SLIT3: variants seen among roughly 807,000 people sequenced by gnomAD.
SLIT3 encodes the protein slit homolog 3 protein.
In SLIT3, 68 loss-of-function variants were observed where a neutral mutation model predicts 184.0. That is an observed-to-expected ratio of 0.37 (90% confidence interval 0.30 to 0.45). SLIT3 has a LOEUF of 0.45. SLIT3 is among the 20% of genes least tolerant of loss of function. The pLI is 1.00. For missense variants in SLIT3, 1,707 were observed against 2,026.0 expected (o/e 0.84, Z 3.02); for synonymous variants, 831 against 828.6 (o/e 1.00, Z -0.05).
At chr5:169,230,481 T>C (rs1448973879) in intron 3 of SLIT3, among the ~76,000 whole-genome samples, 1 of 152,350 alleles carries the variant, frequency 6.6e-6, no homozygotes, top group Middle Eastern at 3.4e-3. Flanking sequence ...CATTTAAATA[T>C]GTAATCTAAT....
At chr5:169,228,174 A>G (rs1482775384) in intron 3 of SLIT3, among the ~76,000 whole-genome samples, 1 of 152,174 alleles carries the variant, frequency 6.6e-6, no homozygotes, top group Non-Finnish European at 1.5e-5. Context: ...CCAATCACAT[A>G]TATTTAATTG....
At chr5:168,831,997 TC>T (rs1205569244) in intron 6 of SLIT3, among the ~76,000 whole-genome samples, 2 of 152,066 alleles carry the variant, frequency 1.3e-5, no homozygotes, top group East Asian at 3.9e-4. Context: ...TGTTTGGGGG[TC>T]CCTTGACTCC....
At chr5:169,177,922 T>C (rs1763033763) in intron 4 of SLIT3, among the ~76,000 whole-genome samples, 1 of 152,218 alleles carries the variant, frequency 6.6e-6, no homozygotes, top group Admixed American at 6.5e-5. Context: ...TTTTTCCTTC[T>C]GATTGCCTCT....
At chr5:168,759,379 A>G (rs1755059505) in intron 16 of SLIT3, among the ~76,000 whole-genome samples, 2 of 152,164 alleles carry the variant, frequency 1.3e-5, no homozygotes, top group African/African-American at 4.8e-5. Context: ...ATAATGTTGA[A>G]CTCATGGCCA....
chr5:169,185,596 A>G (rs1763304789), intron 4 of SLIT3, among the ~76,000 whole-genome samples: 1 of 152,192 alleles, frequency 6.6e-6, no homozygotes, highest in Non-Finnish European at 1.5e-5. Flanking sequence ...TTTCACATCA[A>G]TGCAGAGTTT....
intron 4 of SLIT3, among the ~76,000 whole-genome samples, chr5:169,075,659 T>C (rs1253835518): frequency 6.6e-6 from 1 of 152,206 alleles, no homozygotes; most frequent in Non-Finnish European, 1.5e-5. Flanking sequence ...AAAGAGAGAC[T>C]TGGCTTCTTA....
intron 23 of SLIT3, chr5:168,712,743 T>G (rs1231487120): frequency 5.6e-6 from 1 of 177,940 alleles, no homozygotes; most frequent in Non-Finnish European, 1.2e-5. Context: ...GAGCTGTGCT[T>G]AAGACCGGAA....
intron 4 of SLIT3, among the ~76,000 whole-genome samples, chr5:168,884,271 G>A (rs1001111790): frequency 6.6e-6 from 1 of 151,580 alleles, no homozygotes; most frequent in African/African-American, 2.4e-5. Flanking sequence ...AAACACTCAT[G>A]CCAGGCCTCC....
chr5:169,225,955 A>C (rs1400467018), intron 3 of SLIT3, among the ~76,000 whole-genome samples: 1 of 152,210 alleles, frequency 6.6e-6, no homozygotes, highest in Non-Finnish European at 1.5e-5. Context: ...GTGGAAGCAG[A>C]CAGGGAAGAG....
intron 26 of SLIT3, among the ~76,000 whole-genome samples, chr5:168,702,959 G>C (rs764430314): frequency 2.6e-5 from 4 of 152,162 alleles, no homozygotes; most frequent in Non-Finnish European, 5.9e-5. Flanking sequence ...TCCCAACTAT[G>C]GCGGTGGTGG....
At position 168,957,229 on chromosome 5, in the gene SLIT3, C is replaced by CAAA. The variant is rs369179350; in HGVS notation, c.414-73896_414-73894dup. On this transcript the variant is annotated intron_variant, in intron 4 of 35. Coordinates refer to ENST00000519560, the MANE Select transcript of SLIT3 (RefSeq NM_003062.4). The stretch of plus-strand genomic sequence containing the variant: ...GGGCAACAAGAGCAAAAGTCTGTCT[C>CAAA]AAAAAAAAAAAAAAAAATAGAGGTG... 4.4e-3 allele frequency among the ~76,000 whole-genome samples: 540 copies of CAAA among 121,436 alleles called. 5 individuals are homozygous for CAAA. Among genetic ancestry groups the CAAA allele is most frequent in the African/African-American group, 0.015 (497 of 33,318 alleles). 79.7% of individuals were successfully genotyped at this position (121,436 alleles called of 152,430 possible). A position where few individuals can be genotyped will look rare whatever the true frequency, so the allele number is the denominator to read the frequency against.
chr5:169,088,536 A>G (rs964118481), intron 4 of SLIT3, among the ~76,000 whole-genome samples: 9 of 152,148 alleles, frequency 5.9e-5, no homozygotes, highest in African/African-American at 2.2e-4. Flanking sequence ...CCAGGGATTT[A>G]CAACTAGTCC....
intron 4 of SLIT3, among the ~76,000 whole-genome samples, chr5:168,977,430 C>T (rs1487732978): frequency 1.3e-5 from 2 of 152,184 alleles, no homozygotes; most frequent in African/African-American, 4.8e-5. Flanking sequence ...GCACATCCTC[C>T]TATTACCTTT....
chr5:168,833,701 A>AG (rs1468374037), intron 6 of SLIT3, among the ~76,000 whole-genome samples: 1 of 152,234 alleles, frequency 6.6e-6, no homozygotes, highest in Non-Finnish European at 1.5e-5. Context: ...CTGCTAATAT[A>AG]GGGGCAAGCA....
chr5:168,912,575 GC>G (rs1761285433), intron 4 of SLIT3, among the ~76,000 whole-genome samples: 1 of 152,180 alleles, frequency 6.6e-6, no homozygotes, highest in African/African-American at 2.4e-5. Context: ...TCTGCCATTA[GC>G]TGCCTCTATT....
chr5:169,265,169 A>G (rs928238164), intron 1 of SLIT3, among the ~76,000 whole-genome samples: 1 of 152,082 alleles, frequency 6.6e-6, no homozygotes, highest in African/African-American at 2.4e-5. Flanking sequence ...ACAAACAAAC[A>G]AACAAACAAA....
intron 4 of SLIT3, among the ~76,000 whole-genome samples, chr5:169,081,545 G>A (rs1176064545): frequency 9.2e-5 from 14 of 152,094 alleles, no homozygotes; most frequent in African/African-American, 2.2e-4. Flanking sequence ...TGGAGCAACC[G>A]GATGTTTTAG....
intron 4 of SLIT3, among the ~76,000 whole-genome samples, chr5:169,003,190 G>A (rs774558467): frequency 2.6e-5 from 4 of 152,214 alleles, no homozygotes; most frequent in Non-Finnish European, 4.4e-5. Flanking sequence ...AATACTCAGT[G>A]TGTCTGAGCA....
At chr5:168,783,081 A>G (rs542250455) in intron 12 of SLIT3, among the ~76,000 whole-genome samples, 5 of 152,296 alleles carry the variant, frequency 3.3e-5, no homozygotes, top group African/African-American at 1.2e-4. Flanking sequence ...AGGATTTGTG[A>G]GAGCGTGCAT....
Sources: gnomAD v4.1 joint callset for allele counts (sites outside exome capture counted in the v4.1 genomes callset) on GRCh38, gnomAD v4.1.1 for gene constraint, MANE v1.5 for transcripts, NCBI Gene and HGNC (gene_info 2026-07-23, HGNC 2026-07-21) for gene names.